The following ARHGAP26 variants were observed in gnomAD, a reference collection of about 807,000 sequenced individuals.
The protein encoded by ARHGAP26 is rho GTPase-activating protein 26.
In ARHGAP26, 38 loss-of-function variants were observed where a neutral mutation model predicts 104.8. The observed-to-expected ratio is 0.36, with a 90% confidence interval of 0.28 to 0.48. ARHGAP26 has a LOEUF of 0.48. Ranked by LOEUF, ARHGAP26 falls within the 20% of genes least tolerant of loss-of-function variation. The pLI is 0.99. For synonymous variants in ARHGAP26, 341 were observed against 340.0 expected (o/e 1.00, Z -0.03); for missense variants, 704 against 947.9 (o/e 0.74, Z 3.38).
rs543181736 is a variant in ARHGAP26, at chr5:142,850,408, C to G, written c.155-22992C>G. Among the ~76,000 whole-genome samples the G allele has an allele frequency of 3.3e-5, 5 of 152,054 alleles. No homozygotes were observed. In the South Asian group the frequency reaches 1.0e-3, roughly 32 times the overall value. On this transcript the variant is annotated intron_variant, in intron 1 of 22. Transcript: ENST00000645722. ...CTCTCTATGGTGCTTACTGCTTTTT[C>G]TTTTTCTTGCAACCAGCATTAAAAA...
intron 8 of ARHGAP26, among the ~76,000 whole-genome samples, chr5:142,903,888 T>C (rs1760720807): frequency 1.3e-5 from 2 of 152,176 alleles, no homozygotes; most frequent in South Asian, 4.1e-4. Context: ...CCTGCAATTC[T>C]TTAAGGCTCT....
At chr5:143,041,010 A>G (rs1562312285) in intron 13 of ARHGAP26, among the ~76,000 whole-genome samples, 1 of 152,248 alleles carries the variant, frequency 6.6e-6, no homozygotes, top group African/African-American at 2.4e-5. Context: ...TGGTTGAAGA[A>G]TGGACATCAG....
intron 20 of ARHGAP26, among the ~76,000 whole-genome samples, chr5:143,157,780 C>T (rs1373479538): frequency 6.6e-6 from 1 of 152,176 alleles, no homozygotes; most frequent in Non-Finnish European, 1.5e-5. Context: ...TTTCCGAAGA[C>T]TGAAATGGGT....
In ARHGAP26 at chr5:143,171,620, C is replaced by A. The variant is rs1455986175; in HGVS notation, c.1988+24239C>A. ...TTAAATATGTTGCCAGAGGTGCTGT[C>A]ACTTCCTTAAGCATTCCATAACTCT... On this transcript the variant is annotated intron_variant, in intron 20 of 22. Transcript: ENST00000645722. Among the ~76,000 whole-genome samples the A allele has an allele frequency of 2.6e-5, 4 of 152,170 alleles. No homozygotes were observed. The East Asian group carries it at 7.7e-4, about 29-fold the overall frequency.
chr5:142,987,179 G>A (rs887222838), intron 11 of ARHGAP26, among the ~76,000 whole-genome samples: 14 of 152,118 alleles, frequency 9.2e-5, no homozygotes, highest in Non-Finnish European at 1.8e-4. Context: ...GTTGAGCAGT[G>A]GTTTGTAGTT....
intron 10 of ARHGAP26, among the ~76,000 whole-genome samples, chr5:142,914,478 A>G (rs1762228638): frequency 6.6e-6 from 1 of 152,260 alleles, no homozygotes; most frequent in African/African-American, 2.4e-5. Context: ...TGAAGTTCCC[A>G]GGATGGTTAT....
At chr5:143,034,106 G>A (rs567070657) in intron 12 of ARHGAP26, among the ~76,000 whole-genome samples, 1 of 152,288 alleles carries the variant, frequency 6.6e-6, no homozygotes, top group East Asian at 1.9e-4. Flanking sequence ...AACAAATGTT[G>A]GCAAGGATTA....
chr5:142,842,954 A>G (rs1265983785), intron 1 of ARHGAP26, among the ~76,000 whole-genome samples: 1 of 152,102 alleles, frequency 6.6e-6, no homozygotes, highest in African/African-American at 2.4e-5. Flanking sequence ...AGTTAGATCG[A>G]CTTCTTGTAG....
At chr5:142,773,308 A>G (rs892889824) in intron 1 of ARHGAP26, among the ~76,000 whole-genome samples, 1 of 152,228 alleles carries the variant, frequency 6.6e-6, no homozygotes, top group Non-Finnish European at 1.5e-5. Flanking sequence ...ATGTTCTCTT[A>G]TAGCTCTAAA....
intron 11 of ARHGAP26, among the ~76,000 whole-genome samples, chr5:142,995,192 G>T (rs1401885294): frequency 6.6e-6 from 1 of 152,202 alleles, no homozygotes; most frequent in Admixed American, 6.5e-5. Flanking sequence ...AAGAGCTCCT[G>T]CACAGCAAAA....
intron 11 of ARHGAP26, among the ~76,000 whole-genome samples, chr5:142,966,009 T>G (rs1771259790): frequency 6.6e-6 from 1 of 152,238 alleles, no homozygotes; most frequent in Non-Finnish European, 1.5e-5. Flanking sequence ...CCTTTTCCCC[T>G]TGCATTTTGG....
intron 17 of ARHGAP26, among the ~76,000 whole-genome samples, chr5:143,088,585 T>C (rs976192266): frequency 1.3e-5 from 2 of 152,148 alleles, no homozygotes; most frequent in African/African-American, 4.8e-5. Context: ...AAAAAACTCA[T>C]GATAATGCTG....
At chr5:143,057,062 C>T (rs1785932459) in intron 16 of ARHGAP26, among the ~76,000 whole-genome samples, 1 of 152,164 alleles carries the variant, frequency 6.6e-6, no homozygotes, top group African/African-American at 2.4e-5. Flanking sequence ...CTTGGTTCAA[C>T]CAAGAGAATG....
At position 143,211,856 on chromosome 5, in the gene ARHGAP26, G is replaced by A. The variant is rs759687068; in HGVS notation, c.2100-2141G>A. ...AGGCATGTGCCACAGTGCCTAGTTT[G>A]TTATTTTTTAACGTACTATGTTATT... On this transcript the variant is annotated intron_variant, in intron 21 of 22. Coordinates refer to ENST00000645722, the MANE Select transcript of ARHGAP26 (RefSeq NM_001135608.3). Among the ~76,000 whole-genome samples the A allele has an allele frequency of 3.9e-5, 6 of 152,060 alleles. 1 individual carries two copies. Among genetic ancestry groups the A allele is most frequent in the Non-Finnish European group, 8.8e-5 (6 of 67,986 alleles).
intron 10 of ARHGAP26, among the ~76,000 whole-genome samples, chr5:142,929,374 A>G (rs370614134): frequency 2.2e-4 from 33 of 152,344 alleles, no homozygotes; most frequent in African/African-American, 7.5e-4. Flanking sequence ...TTGTATAGGA[A>G]CTGACATGGA....
intron 20 of ARHGAP26, among the ~76,000 whole-genome samples, chr5:143,178,658 A>G (rs1219547219): frequency 6.6e-6 from 1 of 152,162 alleles, no homozygotes; most frequent in African/African-American, 2.4e-5. Context: ...GCTGCTGCCC[A>G]TGGGGGCTCC....
intron 17 of ARHGAP26, among the ~76,000 whole-genome samples, chr5:143,085,064 AAAAG>A (rs1790370757): frequency 6.6e-6 from 1 of 151,518 alleles, no homozygotes; most frequent in Non-Finnish European, 1.5e-5. Context: ...AAAAAAAAAA[AAAAG>A]AAACGCTTTC....
intron 20 of ARHGAP26, among the ~76,000 whole-genome samples, chr5:143,160,478 T>TC (rs1426668853): frequency 6.6e-6 from 1 of 150,950 alleles, no homozygotes; most frequent in African/African-American, 2.4e-5. Flanking sequence ...TTTGGTGGTT[T>TC]TTTTTTCTTT....
chr5:143,057,937 C>A, intron 17 of ARHGAP26, 190 bp downstream of exon 17: 2 of 699,378 alleles, frequency 2.9e-6, no homozygotes, highest in South Asian at 1.5e-5. Context: ...ATGGCCTTCC[C>A]AGAGGATGCT....
Sources: gnomAD v4.1 joint callset for allele counts (sites outside exome capture counted in the v4.1 genomes callset) on GRCh38, gnomAD v4.1.1 for gene constraint, MANE v1.5 for transcripts, NCBI Gene and HGNC (gene_info 2026-07-23, HGNC 2026-07-21) for gene names.